The following KAZN variants were observed in gnomAD, a reference collection of about 807,000 sequenced individuals.
KAZN encodes kazrin, periplakin interacting protein.
KAZN carries 40 observed loss-of-function variants against 87.4 expected under a neutral mutation model. That is an observed-to-expected ratio of 0.46 (90% CI 0.36 to 0.60). The LOEUF is 0.60. Among genes scored for constraint, KAZN ranks in the 20% least tolerant of loss-of-function variants. The pLI is 0.00. For missense variants in KAZN, 898 were observed against 1,073.9 expected (o/e 0.84, Z 2.29); for synonymous variants, 466 against 458.3 (o/e 1.02, Z -0.22).
At chr1:14,225,192 C>A (rs1304160865) in intron 2 of KAZN, among the ~76,000 whole-genome samples, 1 of 152,170 alleles carries the variant, frequency 6.6e-6, no homozygotes, top group Non-Finnish European at 1.5e-5. Context: ...TAAATGACCT[C>A]AGCAAAGTTT....
intron 2 of KAZN, among the ~76,000 whole-genome samples, chr1:15,004,041 A>G (rs976170401): frequency 1.3e-5 from 2 of 152,130 alleles, no homozygotes; most frequent in African/African-American, 2.4e-5. Flanking sequence ...TGTTCTTGGC[A>G]CCGTGGAAGG....
chr1:14,059,023 T>C (rs1355201897), intron 1 of KAZN, among the ~76,000 whole-genome samples: 1 of 152,174 alleles, frequency 6.6e-6, no homozygotes, highest in Non-Finnish European at 1.5e-5. Context: ...AGGACAGAAT[T>C]TGCAATCTCT....
chr1:13,989,895 A>G (rs1392362404), intron 1 of KAZN, among the ~76,000 whole-genome samples: 1 of 152,220 alleles, frequency 6.6e-6, no homozygotes, highest in African/African-American at 2.4e-5. Flanking sequence ...AGACCTGGCA[A>G]CACTGAGCTA....
At chr1:14,074,594 G>C (rs946794481) in intron 1 of KAZN, among the ~76,000 whole-genome samples, 1 of 150,502 alleles carries the variant, frequency 6.6e-6, no homozygotes, top group African/African-American at 2.5e-5. Context: ...GAGAGTTGGG[G>C]GGCACATCTG....
At position 14,337,680 on chromosome 1, in the gene KAZN, G is replaced by C. The variant is rs140676974; in HGVS notation, c.249+157088G>C. Among the ~76,000 whole-genome samples the C allele has an allele frequency of 3.7e-4, 57 of 152,266 alleles. No individual in the cohort carries two copies. In the East Asian group the frequency reaches 0.01, roughly 27 times the overall value. On this transcript the variant is annotated intron_variant, in intron 2 of 16. Transcript: ENST00000636203. ...AGGCCGATGTGGGTGGATCACCTGA[G>C]GTCAGGAGTTCGAGACCAGCCTGGC...
At chr1:14,482,249 C>G (rs893827658) in intron 2 of KAZN, among the ~76,000 whole-genome samples, 9 of 152,190 alleles carry the variant, frequency 5.9e-5, no homozygotes, top group African/African-American at 2.2e-4. Flanking sequence ...GAACTTCAGA[C>G]CAAGACAAAT....
At position 15,044,157 on chromosome 1, in the gene KAZN, A is replaced by G; in HGVS notation, c.724A>G (p.Met242Val). ...GAAGGAGCTGGAGGCCGAGCTGGCCATGGTGAGAACCCTCCCCACCCAGGT... is the reference window on the plus strand; with the variant it reads ...GAAGGAGCTGGAGGCCGAGCTGGCCGTGGTGAGAACCCTCCCCACCCAGGT... ...RMKELEAELA[M>V]AKQSLATLTK... The change falls in exon 4 of 15, where the codon ATG (methionine) becomes GTG (valine). Residue 242 changes from methionine (M) to valine (V), a missense_variant and splice_region_variant. Met to Val is a conservative substitution (Grantham distance 21). This residue lies in a region of KAZN where 521 missense variants were observed against 689.4 expected (regional missense o/e 0.76). Coordinates refer to ENST00000376030, the MANE Select transcript of KAZN (RefSeq NM_201628.3). 1 of 1,547,036 alleles carries G rather than the reference A, an allele frequency of 6.5e-7. No homozygotes were observed. Among genetic ancestry groups the G allele is most frequent in the Non-Finnish European group, 8.8e-7 (1 of 1,140,094 alleles).
intron 2 of KAZN, among the ~76,000 whole-genome samples, chr1:14,361,169 C>G (rs994855158): frequency 1.3e-5 from 2 of 152,218 alleles, no homozygotes; most frequent in African/African-American, 4.8e-5. Context: ...CTGGCTACAG[C>G]AGCTTTGCCA....
At chr1:14,261,502 T>A (rs1025801605) in intron 2 of KAZN, among the ~76,000 whole-genome samples, 84 of 152,196 alleles carry the variant, frequency 5.5e-4, no homozygotes, top group Non-Finnish European at 1.6e-4. Flanking sequence ...GCCTAGCTAT[T>A]GATTTTCTGC....
chr1:15,034,373 G>T (rs1573124273), intron 2 of KAZN, among the ~76,000 whole-genome samples: 1 of 152,182 alleles, frequency 6.6e-6, no homozygotes, highest in Non-Finnish European at 1.5e-5. Context: ...GTGGCCCAGG[G>T]TTCCTTTTGA....
chr1:14,262,589 C>T (rs940631303), intron 2 of KAZN, among the ~76,000 whole-genome samples: 4 of 152,206 alleles, frequency 2.6e-5, no homozygotes, highest in African/African-American at 9.7e-5. Context: ...GGGTCACCTG[C>T]CTTGAACACT....
chr1:14,278,142 C>T (rs1438364569), intron 2 of KAZN, among the ~76,000 whole-genome samples: 8 of 143,484 alleles, frequency 5.6e-5, no homozygotes, highest in Non-Finnish European at 1.2e-4. Context: ...TGCACTCCAG[C>T]CTGGGCAACA....
At chr1:13,906,613 G>T (rs946269134) in intron 1 of KAZN, among the ~76,000 whole-genome samples, 6 of 152,128 alleles carry the variant, frequency 3.9e-5, no homozygotes, top group African/African-American at 1.4e-4. Context: ...TTGGTTTACT[G>T]CTCTCCTTTG....
At chr1:14,342,903 G>A (rs1029186860) in intron 2 of KAZN, among the ~76,000 whole-genome samples, 3 of 152,126 alleles carry the variant, frequency 2.0e-5, no homozygotes, top group South Asian at 2.1e-4. Flanking sequence ...CATTTTGGGC[G>A]GCTAAGTTGG....
intron 1 of KAZN, among the ~76,000 whole-genome samples, chr1:14,781,084 A>T (rs376709172): frequency 1.3e-5 from 2 of 152,168 alleles, no homozygotes; most frequent in African/African-American, 2.4e-5. Flanking sequence ...GCACTTTGGG[A>T]GGCCGAGGCA....
intron 1 of KAZN, among the ~76,000 whole-genome samples, chr1:14,627,899 G>A (rs918473101): frequency 6.6e-6 from 1 of 152,178 alleles, no homozygotes; most frequent in Non-Finnish European, 1.5e-5. Flanking sequence ...CCCATCAGGC[G>A]TCTACTTGGC....
In KAZN at chr1:14,362,642, G is replaced by C. The variant is rs950442384; in HGVS notation, c.249+182050G>C. Among the ~76,000 whole-genome samples, 5 of 152,094 alleles carry C rather than the reference G, an allele frequency of 3.3e-5. No homozygotes were observed. In the East Asian group the frequency reaches 7.7e-4, roughly 23 times the overall value. On this transcript the variant is annotated intron_variant, in intron 2 of 16. Coordinates refer to the KAZN transcript ENST00000636203. ...CTATTACACACAGGCATTGCTCCAG[G>C]CTCTTTATAAAGACTGTGTAGCTTA...
chr1:15,105,118 G>C (rs1641249404), intron 13 of KAZN, among the ~76,000 whole-genome samples: 1 of 152,188 alleles, frequency 6.6e-6, no homozygotes, highest in Non-Finnish European at 1.5e-5. Context: ...TTGGTCTATA[G>C]TTTTCCCTCC....
At chr1:15,107,705 C>T (rs1296685518) in intron 13 of KAZN, among the ~76,000 whole-genome samples, 6 of 152,190 alleles carry the variant, frequency 3.9e-5, no homozygotes, top group African/African-American at 1.4e-4. Flanking sequence ...CCACCCCTAG[C>T]CCCACCACCG....
Sources: gnomAD v4.1 joint callset for allele counts (sites outside exome capture counted in the v4.1 genomes callset) on GRCh38, gnomAD v4.1.1 for gene constraint, gnomAD v4.1.1 regional missense constraint, MANE v1.5 for transcripts, NCBI Gene and HGNC (gene_info 2026-07-23, HGNC 2026-07-21) for gene names.